Variants in OPHN1 observed in about 807,000 individuals in gnomAD.
OPHN1 encodes oligophrenin 1.
Under a neutral mutation model 60.7 loss-of-function variants are expected in OPHN1, and 11 were observed. That is an observed-to-expected ratio of 0.18 (90% CI 0.11 to 0.30). The LOEUF is 0.30. OPHN1 is among the 10% of genes least tolerant of loss of function. OPHN1 has a pLI of 1.00. For missense variants in OPHN1, 449 were observed against 611.0 expected, an observed-to-expected ratio of 0.73 and a Z score of 2.80; for synonymous variants, 226 against 222.6, an observed-to-expected ratio of 1.02 and a Z score of -0.14.
At chrX:68,238,103 GC>G in intron 5 of OPHN1, among the ~76,000 whole-genome samples, 1 of 111,396 alleles carries the variant, frequency 9.0e-6, no homozygotes, top group Non-Finnish European at 1.9e-5. Context: ...TTTGAGTTTT[GC>G]CTTTCACTTC....
intron 2 of OPHN1, among the ~76,000 whole-genome samples, chrX:68,403,893 T>C (rs1291894983): frequency 1.8e-5 from 2 of 108,452 alleles, no homozygotes; most frequent in African/African-American, 6.7e-5. Flanking sequence ...AAAAGTGAAG[T>C]GCCACAGTCA....
intron 2 of OPHN1, among the ~76,000 whole-genome samples, chrX:68,416,377 T>A (rs2147782346): frequency 9.1e-6 from 1 of 110,423 alleles, no homozygotes; most frequent in Non-Finnish European, 1.9e-5. Flanking sequence ...TCAAGGGCTT[T>A]GTGAAAAATC....
chrX:68,287,353 AC>A (rs1352981106), intron 3 of OPHN1, among the ~76,000 whole-genome samples: 10 of 105,631 alleles, frequency 9.5e-5, no homozygotes, highest in South Asian at 4.2e-4. Context: ...AAAAAAAAAA[AC>A]AATCACAAGT....
At chrX:68,086,725 C>T (rs2076997241) in intron 19 of OPHN1, among the ~76,000 whole-genome samples, 1 of 111,897 alleles carries the variant, frequency 8.9e-6, no homozygotes, top group South Asian at 3.8e-4. Flanking sequence ...TAGAACTTGA[C>T]AGGGTATAGG....
At chrX:68,355,384 A>G (rs968577164) in intron 2 of OPHN1, among the ~76,000 whole-genome samples, 1 of 112,404 alleles carries the variant, frequency 8.9e-6, no homozygotes, top group Admixed American at 9.5e-5. Flanking sequence ...ACCTGAAGGT[A>G]GTCCTGACAT....
intron 2 of OPHN1, among the ~76,000 whole-genome samples, chrX:68,360,159 A>G (rs777945491): frequency 4.5e-4 from 50 of 110,741 alleles, no homozygotes; most frequent in African/African-American, 1.6e-3. Flanking sequence ...TCTTAAAATG[A>G]GTGGCTCGAG....
chrX:68,183,340 C>A (rs895681675), intron 15 of OPHN1, among the ~76,000 whole-genome samples: 7 of 111,871 alleles, frequency 6.3e-5, no homozygotes, highest in Non-Finnish European at 1.3e-4. Context: ...CCCCAAAATA[C>A]AAAGAATTGT....
At chrX:68,268,668 T>C (rs1457110473) in intron 5 of OPHN1, among the ~76,000 whole-genome samples, 1 of 111,491 alleles carries the variant, frequency 9.0e-6, no homozygotes, top group Non-Finnish European at 1.9e-5. Context: ...GCATTCCCTT[T>C]GAAAACTGGC....
intron 5 of OPHN1, among the ~76,000 whole-genome samples, chrX:68,253,385 A>G (rs1321594693): frequency 9.0e-6 from 1 of 111,459 alleles, no homozygotes; most frequent in Non-Finnish European, 1.9e-5. Flanking sequence ...TAAAACTCAT[A>G]CAGCTCTGCC....
At chrX:68,323,447 C>A (rs746018521) in intron 2 of OPHN1, among the ~76,000 whole-genome samples, 1 of 111,756 alleles carries the variant, frequency 8.9e-6, no homozygotes, top group Non-Finnish European at 1.9e-5. Flanking sequence ...TACACACACA[C>A]ACTATGTATC....
intron 5 of OPHN1, among the ~76,000 whole-genome samples, chrX:68,257,577 G>A (rs1359272708): frequency 9.1e-6 from 1 of 109,417 alleles, no homozygotes; most frequent in African/African-American, 3.3e-5. Flanking sequence ...AGCAGGTACT[G>A]AAAAAAAAAT....
intron 2 of OPHN1, among the ~76,000 whole-genome samples, chrX:68,300,626 C>T (rs1602308109): frequency 8.9e-6 from 1 of 112,506 alleles, no homozygotes; most frequent in African/African-American, 3.2e-5. Context: ...AACGAGAACA[C>T]AAAACTGGCT....
At chrX:68,334,435 C>A (rs1046751996) in intron 2 of OPHN1, among the ~76,000 whole-genome samples, 1 of 111,075 alleles carries the variant, frequency 9.0e-6, no homozygotes, top group African/African-American at 3.3e-5. Flanking sequence ...GAGAATGCAA[C>A]AAAATGCTCT....
intron 4 of OPHN1, among the ~76,000 whole-genome samples, chrX:68,281,019 T>C (rs1183884135): frequency 8.9e-6 from 1 of 112,118 alleles, no homozygotes; most frequent in African/African-American, 3.2e-5. Context: ...TTTTCCCTGG[T>C]AGCTTAAAAG....
At chrX:68,429,682 C>T (rs2078876324) in intron 2 of OPHN1, among the ~76,000 whole-genome samples, 1 of 110,776 alleles carries the variant, frequency 9.0e-6, no homozygotes, top group African/African-American at 3.3e-5. Context: ...ATGATTGTGC[C>T]ACTGTACTCC....
intron 6 of OPHN1, among the ~76,000 whole-genome samples, chrX:68,225,295 G>A (rs989550960): frequency 3.6e-5 from 4 of 112,254 alleles, no homozygotes; most frequent in Admixed American, 2.8e-4. Flanking sequence ...ACCTCTGGGG[G>A]CAGGGCATAG....
intron 2 of OPHN1, among the ~76,000 whole-genome samples, chrX:68,389,121 A>T (rs1233463712): frequency 1.1e-5 from 1 of 94,403 alleles, no homozygotes; most frequent in Non-Finnish European, 2.1e-5. Flanking sequence ...ACTCTGGCTA[A>T]TTTTTTTTTT....
In OPHN1 at chrX:68,332,455, T is replaced by C. The variant is rs147902793; in HGVS notation, c.155-33359A>G. Among the ~76,000 whole-genome samples, 279 of 112,086 alleles carry C rather than the reference T, an allele frequency of 2.5e-3. 2 individuals carry two copies. Among genetic ancestry groups the C allele is most frequent in the African/African-American group, 8.6e-3 (265 of 30,900 alleles). ...GATGACTTTTGGGAGAATTCCACCT[T>C]TGTGATCCGTTCTTAAAGTTATCAC... On this transcript the variant is annotated intron_variant, in intron 2 of 24. Transcript: ENST00000355520.
At chrX:68,191,532 C>T (rs947464439) in intron 15 of OPHN1, among the ~76,000 whole-genome samples, 5 of 111,939 alleles carry the variant, frequency 4.5e-5, no homozygotes, top group African/African-American at 1.6e-4. Context: ...ACTTGCCTTC[C>T]TGCTGTAACA....
Sources: allele counts gnomAD v4.1 joint callset (sites outside exome capture counted in the v4.1 genomes callset), GRCh38; gene constraint gnomAD v4.1.1; transcripts MANE v1.5; gene names NCBI Gene and HGNC (gene_info 2026-07-23, HGNC 2026-07-21).